The following BTBD7 variants were observed in gnomAD, a reference collection of about 807,000 sequenced individuals.
The protein encoded by BTBD7 is BTB/POZ domain-containing protein 7.
BTBD7 carries 38 observed loss-of-function variants against 99.9 expected under a neutral mutation model. The observed-to-expected ratio is 0.38, with a 90% CI of 0.29 to 0.50. The LOEUF (loss-of-function observed/expected upper bound fraction) is 0.50, where lower values mean the gene tolerates loss of function less well. Ranked by LOEUF, BTBD7 falls within the 20% of genes least tolerant of loss-of-function variation. The probability of loss-of-function intolerance (pLI) is 0.93; values close to 1 mark genes in which losing one functional copy is unlikely to be tolerated. For missense variants in BTBD7, 1,170 were observed against 1,394.6 expected (o/e 0.84, Z 2.57); for synonymous variants, 520 against 511.4 (o/e 1.02, Z -0.23).
intron 1 of BTBD7, among the ~76,000 whole-genome samples, chr14:93,318,917 C>A (rs1352078725): frequency 3.3e-5 from 5 of 152,162 alleles, no homozygotes; most frequent in African/African-American, 9.7e-5. Context: ...ATAACGAACC[C>A]TTAATAAATG....
At chr14:93,316,500 T>C (rs1251913158) in intron 1 of BTBD7, among the ~76,000 whole-genome samples, 2 of 152,172 alleles carry the variant, frequency 1.3e-5, no homozygotes, top group Admixed American at 1.3e-4. Flanking sequence ...CCTCCCACTT[T>C]GGCCTCTCAG....
At chr14:93,253,521 A>T in intron 7 of BTBD7, 126 bp downstream of exon 7, 7 of 816,726 alleles carry the variant, frequency 8.6e-6, no homozygotes, top group Non-Finnish European at 1.2e-5. Context: ...ACTAGAACTT[A>T]CTTTCATTTT....
Position 93,242,113 on chromosome 14 carries a change from C to G in BTBD7, c.*160G>C. 1 of 598,350 alleles carries G rather than the reference C, an allele frequency of 1.7e-6. No homozygotes were observed. The highest frequency in any genetic ancestry group is 2.8e-6 in the Non-Finnish European group (1 of 355,186). The allele number at this position is 598,350 out of a possible 1,614,324, so 37.1% of individuals were successfully genotyped here. A position where few individuals can be genotyped will look rare whatever the true frequency, so the allele number is the denominator to read the frequency against. On this transcript the variant is annotated 3_prime_UTR_variant, in exon 11 of 11. Coordinates refer to ENST00000334746, the MANE Select transcript of BTBD7 (RefSeq NM_001002860.4). ...AAAAAAAAAAACAAAACCTTCTTAG[C>G]ATGCCATGTCTAATAAACACATATA...
At chr14:93,288,489 A>C (rs768645701) in intron 3 of BTBD7, 1 of 746,696 alleles carries the variant, frequency 1.3e-6, no homozygotes, top group South Asian at 1.4e-5. Context: ...AAGTTCTTTT[A>C]TATAAGGATA....
chr14:93,309,206 A>G (rs1192507102), intron 1 of BTBD7, among the ~76,000 whole-genome samples: 1 of 152,116 alleles, frequency 6.6e-6, no homozygotes, highest in African/African-American at 2.4e-5. Context: ...TATTCTCACA[A>G]TAACTCTTCC....
Position 93,285,449 on chromosome 14 carries a change from T to C in BTBD7, c.1162+8409A>G, listed in dbSNP as rs187982323. On this transcript the variant is annotated intron_variant, in intron 3 of 10. Coordinates refer to ENST00000334746, the MANE Select transcript of BTBD7 (RefSeq NM_001002860.4). ...ATAAATAAATTTCATATTGTAAAGA[T>C]TGAAAAATGCATTTGTGATCAAGAT... Among the ~76,000 whole-genome samples the C allele has an allele frequency of 8.5e-5, 13 of 152,300 alleles. 1 individual carries two copies. The Middle Eastern group carries it at 0.014, about 159-fold the overall frequency.
chr14:93,321,874 T>C (rs1292593217), intron 1 of BTBD7, among the ~76,000 whole-genome samples: 1 of 152,160 alleles, frequency 6.6e-6, no homozygotes, highest in Non-Finnish European at 1.5e-5. Flanking sequence ...AGTGTGAGCT[T>C]TCCTCTTTTC....
chr14:93,268,718 A>G (rs1293293786), intron 3 of BTBD7, among the ~76,000 whole-genome samples: 1 of 150,664 alleles, frequency 6.6e-6, no homozygotes, highest in Non-Finnish European at 1.5e-5. Flanking sequence ...CCCTCCCAAA[A>G]GTTCCCCTTC....
chr14:93,262,765 A>G (rs1026128293), intron 4 of BTBD7, among the ~76,000 whole-genome samples: 1 of 151,024 alleles, frequency 6.6e-6, no homozygotes, highest in Non-Finnish European at 1.5e-5. Flanking sequence ...TCTTAGAGCA[A>G]ATCTAGGCTG....
chr14:93,332,119 A>G (rs543404283), intron 1 of BTBD7, among the ~76,000 whole-genome samples: 75 of 152,278 alleles, frequency 4.9e-4, no homozygotes, highest in African/African-American at 1.7e-3. Context: ...AAACGGTGAG[A>G]AAGTTCTCAC....
chr14:93,254,516 C>A (rs150156254), intron 6 of BTBD7, among the ~76,000 whole-genome samples: 2 of 152,262 alleles, frequency 1.3e-5, no homozygotes, highest in East Asian at 3.9e-4. Context: ...TAGCACAGTG[C>A]CTAGCAACAC....
chr14:93,246,580 C>T (rs1463199029), intron 9 of BTBD7, among the ~76,000 whole-genome samples: 1 of 152,220 alleles, frequency 6.6e-6, no homozygotes, highest in Non-Finnish European at 1.5e-5. Flanking sequence ...GGTAATAAAA[C>T]CAAACTCTAA....
chr14:93,281,473 G>T (rs1161257594), intron 3 of BTBD7, among the ~76,000 whole-genome samples: 1 of 152,134 alleles, frequency 6.6e-6, no homozygotes, highest in African/African-American at 2.4e-5. Context: ...TTATCACAGA[G>T]GAGTGAGACT....
intron 6 of BTBD7, 22 bp downstream of exon 6, chr14:93,257,173 A>G (rs2052439262): frequency 6.2e-7 from 1 of 1,604,612 alleles, no homozygotes; most frequent in South Asian, 1.1e-5. Flanking sequence ...CATGAAAGGA[A>G]TACATGGAGA....
intron 3 of BTBD7, among the ~76,000 whole-genome samples, chr14:93,272,672 A>G (rs2052612745): frequency 6.6e-6 from 1 of 152,190 alleles, no homozygotes; most frequent in Non-Finnish European, 1.5e-5. Context: ...TCACACCTAC[A>G]AATCTATTTT....
At chr14:93,287,537 T>C (rs1355544816) in intron 3 of BTBD7, 1 of 152,198 alleles carries the variant, frequency 6.6e-6, no homozygotes, top group African/African-American at 2.4e-5. Context: ...TAAATTTATC[T>C]TGGAAATATT....
chr14:93,323,060 C>A (rs1043341837), intron 1 of BTBD7, among the ~76,000 whole-genome samples: 1 of 152,022 alleles, frequency 6.6e-6, no homozygotes, highest in Middle Eastern at 3.2e-3. Context: ...GAGTTTGAGG[C>A]TGCGGTGAGC....
intron 3 of BTBD7, among the ~76,000 whole-genome samples, chr14:93,275,799 C>T (rs1425572594): frequency 2.6e-5 from 4 of 152,148 alleles, no homozygotes; most frequent in African/African-American, 4.8e-5. Flanking sequence ...TGTGAAAGTA[C>T]GTTATTACAT....
chr14:93,313,645 G>A (rs1204879214), intron 1 of BTBD7, among the ~76,000 whole-genome samples: 3 of 150,612 alleles, frequency 2.0e-5, no homozygotes, highest in Non-Finnish European at 4.4e-5. Flanking sequence ...GAAGAGGAAA[G>A]TATCTGAATT....
Sources: allele counts gnomAD v4.1 joint callset (sites outside exome capture counted in the v4.1 genomes callset), GRCh38; gene constraint gnomAD v4.1.1; transcripts MANE v1.5; gene names NCBI Gene and HGNC (gene_info 2026-07-23, HGNC 2026-07-21).